Variants in ELAPOR1 observed in about 807,000 individuals in gnomAD.
ELAPOR1 encodes the protein endosome-lysosome associated apoptosis and autophagy regulator 1.
ELAPOR1 carries 77 observed loss-of-function variants against 119.7 expected under a neutral mutation model. The observed-to-expected ratio is 0.64, with a 90% CI of 0.54 to 0.78. ELAPOR1 has a LOEUF of 0.78. Among genes scored for constraint, ELAPOR1 ranks in the 30% least tolerant of loss-of-function variants. ELAPOR1 has a pLI of 0.00. For missense variants in ELAPOR1, 1,115 were observed against 1,270.4 expected (o/e 0.88, Z 1.86); for synonymous variants, 481 against 487.2 (o/e 0.99, Z 0.17).
At chr1:109,152,220 G>A (rs1385793110) in intron 1 of ELAPOR1, among the ~76,000 whole-genome samples, 2 of 152,178 alleles carry the variant, frequency 1.3e-5, no homozygotes, top group Non-Finnish European at 2.9e-5. Flanking sequence ...TAGGGACTAT[G>A]AGAGGAGAAG....
At chr1:109,125,773 A>G (rs1021426398) in intron 1 of ELAPOR1, among the ~76,000 whole-genome samples, 2 of 152,246 alleles carry the variant, frequency 1.3e-5, no homozygotes, top group African/African-American at 4.8e-5. Flanking sequence ...ATAAAAACAC[A>G]CACACCAAGC....
chr1:109,204,879 C>T lies in ELAPOR1; in HGVS notation c.*1867C>T, dbSNP rs1019466998. The T allele has an allele frequency of 1.3e-5, 2 of 152,232 alleles. No individual in the cohort carries two copies. The highest frequency in any genetic ancestry group is 2.4e-5 in the African/African-American group (1 of 41,436). The allele number at this position is 152,232 out of a possible 1,614,324, so 9.4% of individuals were successfully genotyped here. On this transcript the variant is annotated 3_prime_UTR_variant, in exon 22 of 22. Transcript: ENST00000369939. ...GACCAGCCTGGGCAACACAGTGAGACCCTGTCTCTAAAAAATTTAAAAATA... is the reference window on the plus strand; with the variant it reads ...GACCAGCCTGGGCAACACAGTGAGATCCTGTCTCTAAAAAATTTAAAAATA...
chr1:109,175,884 TA>T (rs1652250972), intron 7 of ELAPOR1, among the ~76,000 whole-genome samples: 1 of 150,672 alleles, frequency 6.6e-6, no homozygotes, highest in East Asian at 1.9e-4. Flanking sequence ...ACTGTAGATT[TA>T]AAATGTATAA....
chr1:109,125,447 G>A (rs1420847513), intron 1 of ELAPOR1, among the ~76,000 whole-genome samples: 1 of 151,194 alleles, frequency 6.6e-6, no homozygotes, highest in Admixed American at 6.6e-5. Flanking sequence ...CCAGGCTGTA[G>A]TGCAGCACAA....
At chr1:109,120,027 A>C (rs1214387515) in intron 1 of ELAPOR1, among the ~76,000 whole-genome samples, 1 of 152,198 alleles carries the variant, frequency 6.6e-6, no homozygotes, top group African/African-American at 2.4e-5. Flanking sequence ...ATTGATACCT[A>C]ATCCTCAATG....
chr1:109,128,331 C>A (rs1009482409), intron 1 of ELAPOR1, among the ~76,000 whole-genome samples: 3 of 152,130 alleles, frequency 2.0e-5, no homozygotes, highest in African/African-American at 7.2e-5. Context: ...TTGTAATAAA[C>A]CTGCATGCTA....
chr1:109,133,774 CTTGT>C (rs1301766653), intron 1 of ELAPOR1, among the ~76,000 whole-genome samples: 3 of 152,310 alleles, frequency 2.0e-5, no homozygotes, highest in Middle Eastern at 3.4e-3. Flanking sequence ...AAATAGATAG[CTTGT>C]TTATCAGTGG....
intron 3 of ELAPOR1, among the ~76,000 whole-genome samples, chr1:109,166,129 A>G (rs1044389221): frequency 3.3e-5 from 5 of 151,532 alleles, no homozygotes; most frequent in African/African-American, 1.2e-4. Context: ...GTTAGCCAGG[A>G]TGGTCTCGAT....
At chr1:109,135,016 A>T (rs1649379951) in intron 1 of ELAPOR1, among the ~76,000 whole-genome samples, 1 of 152,196 alleles carries the variant, frequency 6.6e-6, no homozygotes, top group Non-Finnish European at 1.5e-5. Context: ...GATTTCTGGA[A>T]ATCTGGCAAC....
intron 7 of ELAPOR1, among the ~76,000 whole-genome samples, chr1:109,181,247 C>T (rs916731837): frequency 2.0e-5 from 3 of 152,112 alleles, no homozygotes; most frequent in Non-Finnish European, 4.4e-5. Context: ...ACATTGTACT[C>T]CTGGAGGTGG....
intron 1 of ELAPOR1, among the ~76,000 whole-genome samples, chr1:109,143,259 G>T (rs1649947621): frequency 6.6e-6 from 1 of 152,252 alleles, no homozygotes; most frequent in African/African-American, 2.4e-5. Flanking sequence ...CCATACAATG[G>T]AATATGATTC....
intron 7 of ELAPOR1, among the ~76,000 whole-genome samples, chr1:109,178,352 A>G (rs913411001): frequency 2.8e-4 from 43 of 152,228 alleles, no homozygotes; most frequent in African/African-American, 8.7e-4. Context: ...CTTGTTGACA[A>G]CCTCACCGGC....
intron 17 of ELAPOR1, among the ~76,000 whole-genome samples, chr1:109,198,306 A>G (rs966634127): frequency 4.6e-5 from 7 of 152,230 alleles, no homozygotes; most frequent in Non-Finnish European, 1.0e-4. Context: ...GATGATCTGC[A>G]GTGGACTTCC....
At chr1:109,164,949 G>T (rs957870542) in intron 3 of ELAPOR1, among the ~76,000 whole-genome samples, 3 of 152,188 alleles carry the variant, frequency 2.0e-5, no homozygotes, top group Non-Finnish European at 4.4e-5. Context: ...GGAAATAAGA[G>T]AGTGGACAAG....
At chr1:109,152,276 A>G (rs1365581753) in intron 1 of ELAPOR1, among the ~76,000 whole-genome samples, 1 of 152,206 alleles carries the variant, frequency 6.6e-6, no homozygotes, top group Non-Finnish European at 1.5e-5. Context: ...CAAGGGAAGA[A>G]GTGGCCTCCT....
In ELAPOR1 at chr1:109,190,561, C is replaced by G. The variant is rs80019799; in HGVS notation, c.1440-805C>G. ...TTCTTCGAGGTCCCTGCTTCCCATCCCTGGGATGTTGCTCAGTTTGCCTTC... is the reference window on the plus strand; with the variant it reads ...TTCTTCGAGGTCCCTGCTTCCCATCGCTGGGATGTTGCTCAGTTTGCCTTC... On this transcript the variant is annotated intron_variant, in intron 11 of 21. Transcript: ENST00000369939. Among the ~76,000 whole-genome samples the G allele has an allele frequency of 9.8e-4, 150 of 152,354 alleles. 1 individual carries two copies. Among genetic ancestry groups the G allele is most frequent in the African/African-American group, 3.5e-3 (145 of 41,586 alleles).
At chr1:109,163,407 T>C (rs1258495306) in intron 2 of ELAPOR1, among the ~76,000 whole-genome samples, 2 of 152,194 alleles carry the variant, frequency 1.3e-5, no homozygotes, top group African/African-American at 4.8e-5. Flanking sequence ...ACTTTTTATT[T>C]TTTTAAAGAC....
intron 2 of ELAPOR1, 136 bp from the exon 3 acceptor site, chr1:109,164,363 G>T: frequency 1.5e-6 from 1 of 674,106 alleles, no homozygotes; most frequent in Non-Finnish European, 2.5e-6. Context: ...CACAGTAAAT[G>T]CCATGGCCCT....
intron 1 of ELAPOR1, among the ~76,000 whole-genome samples, chr1:109,135,572 A>G (rs1345123048): frequency 6.6e-6 from 1 of 152,196 alleles, no homozygotes; most frequent in Non-Finnish European, 1.5e-5. Flanking sequence ...ACAAGTCTCC[A>G]GGGGCTACTG....
Sources: gnomAD v4.1 joint callset for allele counts (sites outside exome capture counted in the v4.1 genomes callset) on GRCh38, gnomAD v4.1.1 for gene constraint, MANE v1.5 for transcripts, NCBI Gene and HGNC (gene_info 2026-07-23, HGNC 2026-07-21) for gene names.